The following PPM1L variants were observed in gnomAD, a reference collection of about 807,000 sequenced individuals.
PPM1L encodes the protein protein phosphatase 1L.
Under a neutral mutation model 31.4 loss-of-function variants are expected in PPM1L, and 13 were observed. The observed-to-expected ratio is 0.41, with a 90% CI of 0.27 to 0.66. The LOEUF is 0.66. Ranked by LOEUF, PPM1L falls within the 30% of genes least tolerant of loss-of-function variation. The pLI, the probability that PPM1L is intolerant of heterozygous loss-of-function variation, is 0.29. For synonymous variants in PPM1L, 184 were observed against 175.4 expected (o/e 1.05, Z -0.39); for missense variants, 326 against 453.7 (o/e 0.72, Z 2.56).
chr3:161,046,170 A>G (rs1260409288), intron 2 of PPM1L, among the ~76,000 whole-genome samples: 60 of 151,636 alleles, frequency 4.0e-4, no homozygotes, highest in African/African-American at 1.4e-3. Context: ...TGAAAAGATC[A>G]ACAAAATTGA....
At chr3:160,785,610 TAGA>T (rs1204376918) in intron 1 of PPM1L, among the ~76,000 whole-genome samples, 1 of 152,226 alleles carries the variant, frequency 6.6e-6, no homozygotes, top group East Asian at 1.9e-4. Context: ...TTCATATAAA[TAGA>T]AGCATGTTAT....
In PPM1L at chr3:160,961,723, GT is replaced by G; in HGVS notation, c.400-9del. The G allele has an allele frequency of 6.4e-7, 1 of 1,569,398 alleles. No individual in the cohort carries two copies. Among genetic ancestry groups the G allele is most frequent in the Non-Finnish European group, 8.6e-7 (1 of 1,164,584 alleles). ...CTAATGGAGTTCTCTCTCTCTGACT[GT>G]TTTATCTGCAGACTGCAGCTGAATA... is the stretch of plus-strand genomic sequence containing the variant. On this transcript the variant is annotated splice_polypyrimidine_tract_variant and intron_variant, in intron 1 of 3. Coordinates refer to ENST00000498165, the MANE Select transcript of PPM1L (RefSeq NM_139245.4).
At chr3:161,022,423 A>G (rs1718259111) in intron 2 of PPM1L, 1 of 334,636 alleles carries the variant, frequency 3.0e-6, no homozygotes, top group Non-Finnish European at 5.3e-6. Context: ...AGAACAAAAT[A>G]TAATTCTTTT....
intron 2 of PPM1L, among the ~76,000 whole-genome samples, chr3:161,010,490 C>T (rs1358880127): frequency 6.6e-6 from 1 of 152,048 alleles, no homozygotes; most frequent in Non-Finnish European, 1.5e-5. Context: ...ACATACGTGT[C>T]CATGTGTCTT....
chr3:161,069,138 G>A lies in PPM1L; in HGVS notation c.1064G>A (p.Ser355Asn). 6.2e-7 allele frequency: 1 copy of A among 1,613,560 alleles called. No homozygotes were observed. The highest frequency in any genetic ancestry group is 8.5e-7 in the Non-Finnish European group (1 of 1,179,772). ...ATGGTGGTGAAGTTCAGAAATAGCAGCAAAACAGAAGAGCAGTGAACCCTT... is the reference window on the plus strand; with the variant it reads ...ATGGTGGTGAAGTTCAGAAATAGCAACAAAACAGAAGAGCAGTGAACCCTT... ...TVMVVKFRNS[S>N]KTEEQ Residue 355 changes from serine to asparagine, a missense_variant, in exon 4 of 4, where the codon AGC (serine) becomes AAC (asparagine). By Grantham distance (46) the Ser-to-Asn change is conservative. This residue lies in a region of PPM1L where 201 missense variants were observed against 298.2 expected (regional missense o/e 0.67). Transcript: ENST00000498165.
rs771695348 is a variant in PPM1L at position 161,065,613 on chromosome 3, C to T, written c.736+49C>T. 4 of 1,580,116 alleles carry T rather than the reference C, an allele frequency of 2.5e-6. No homozygotes were observed. In the Admixed American group the frequency reaches 6.8e-5, roughly 27 times the overall value. On this transcript the variant is annotated intron_variant, in intron 3 of 3. Transcript: ENST00000498165. The stretch of plus-strand genomic sequence containing the variant: ...AAATGTCTGCTGTCTTGCTGGTGAA[C>T]AAGGCGGCTTGCTTGGAGAGCTCCT...
chr3:160,842,005 C>T (rs955617944), intron 1 of PPM1L, among the ~76,000 whole-genome samples: 1 of 152,050 alleles, frequency 6.6e-6, no homozygotes, highest in Non-Finnish European at 1.5e-5. Flanking sequence ...AAACTGAGGT[C>T]CTTACCCTCA....
chr3:160,798,494 G>C (rs78243470), intron 1 of PPM1L, among the ~76,000 whole-genome samples: 18,805 of 152,150 alleles, frequency 0.12, 2,090 homozygotes, highest in African/African-American at 0.3. Flanking sequence ...GCTAGATCTA[G>C]TCTGCTTATG....
intron 1 of PPM1L, among the ~76,000 whole-genome samples, chr3:160,947,388 T>C (rs1715441496): frequency 6.6e-6 from 1 of 152,120 alleles, no homozygotes; most frequent in South Asian, 2.1e-4. Context: ...TGAAAATTCA[T>C]ATCAATAAAA....
intron 1 of PPM1L, among the ~76,000 whole-genome samples, chr3:160,936,244 C>T (rs1160720322): frequency 6.6e-6 from 1 of 152,084 alleles, no homozygotes; most frequent in Admixed American, 6.5e-5. Context: ...TGCCCACCAC[C>T]ACGCCCGGCT....
chr3:160,926,121 A>G (rs1714578436), intron 1 of PPM1L, among the ~76,000 whole-genome samples: 1 of 152,170 alleles, frequency 6.6e-6, no homozygotes, highest in African/African-American at 2.4e-5. Context: ...ATGTAAATAC[A>G]GCCAGAAAGT....
At chr3:160,797,622 A>G (rs1223231035) in intron 1 of PPM1L, among the ~76,000 whole-genome samples, 1 of 152,250 alleles carries the variant, frequency 6.6e-6, no homozygotes, top group Non-Finnish European at 1.5e-5. Context: ...CTTGAAGGAA[A>G]TCAAAAGTGC....
chr3:160,857,358 C>G (rs528956900), intron 1 of PPM1L, among the ~76,000 whole-genome samples: 2 of 152,272 alleles, frequency 1.3e-5, no homozygotes, highest in African/African-American at 4.8e-5. Flanking sequence ...GGTTTAGAAT[C>G]AAGTAAACAA....
At chr3:160,984,330 GA>G (rs1362649607) in intron 2 of PPM1L, among the ~76,000 whole-genome samples, 1 of 152,140 alleles carries the variant, frequency 6.6e-6, no homozygotes, top group African/African-American at 2.4e-5. Context: ...GGTAATAAGA[GA>G]AATATGGCTC....
intron 2 of PPM1L, among the ~76,000 whole-genome samples, chr3:160,967,130 T>G (rs1017444148): frequency 6.6e-5 from 10 of 151,946 alleles, no homozygotes; most frequent in Non-Finnish European, 1.2e-4. Flanking sequence ...CTGATGGTTT[T>G]ATAAAGGGAA....
rs190885795 is a variant in PPM1L, at chr3:161,056,537, A to C, written c.575-8866A>C. ...ACAGAAAAATATAAAGAAGAAAACA[A>C]AAAGGTCTAAAATCCTATCACCAAG... On this transcript the variant is annotated intron_variant, in intron 2 of 3. Coordinates refer to ENST00000498165, the MANE Select transcript of PPM1L (RefSeq NM_139245.4). Among the ~76,000 whole-genome samples, 4 of 152,330 alleles carry C rather than the reference A, an allele frequency of 2.6e-5. No homozygotes were observed. In the East Asian group the frequency reaches 7.7e-4, roughly 29 times the overall value.
chr3:160,881,745 T>C (rs1712726036), intron 1 of PPM1L, among the ~76,000 whole-genome samples: 2 of 152,066 alleles, frequency 1.3e-5, no homozygotes, highest in South Asian at 4.1e-4. Flanking sequence ...CTCCTCAGAG[T>C]GGTCAAGTAA....
intron 1 of PPM1L, among the ~76,000 whole-genome samples, chr3:160,770,891 T>G (rs1457988138): frequency 6.6e-6 from 1 of 152,138 alleles, no homozygotes; most frequent in Non-Finnish European, 1.5e-5. Context: ...AGTGGCTGCT[T>G]GCGGAGGAGT....
chr3:160,877,374 G>C (rs1289713771), intron 1 of PPM1L, among the ~76,000 whole-genome samples: 8 of 152,116 alleles, frequency 5.3e-5, no homozygotes, highest in Non-Finnish European at 1.2e-4. Context: ...ATTTATTTCA[G>C]CTGAGATGCT....
Sources: gnomAD v4.1 joint callset for allele counts (sites outside exome capture counted in the v4.1 genomes callset) on GRCh38, gnomAD v4.1.1 for gene constraint, gnomAD v4.1.1 regional missense constraint, MANE v1.5 for transcripts, NCBI Gene and HGNC (gene_info 2026-07-23, HGNC 2026-07-21) for gene names.